Variants in ARPC5L observed in about 807,000 individuals in gnomAD.
ARPC5L encodes the protein actin related protein 2/3 complex subunit 5 like.
In ARPC5L, 4 loss-of-function variants were observed where a neutral mutation model predicts 16.9. The observed-to-expected ratio is 0.24, with a 90% CI of 0.12 to 0.54. The LOEUF (loss-of-function observed/expected upper bound fraction) is 0.54. Ranked by LOEUF, ARPC5L falls within the 20% of genes least tolerant of loss-of-function variation. The pLI is 0.95. For missense variants in ARPC5L, 151 were observed against 201.9 expected (o/e 0.75, Z 1.53); for synonymous variants, 78 against 82.6 (o/e 0.94, Z 0.30).
Position 124,876,967 on chromosome 9 carries a change from T to G in ARPC5L, c.*27T>G, listed in dbSNP as rs200439155. 1,179 of 1,585,584 alleles carry G rather than the reference T, an allele frequency of 7.4e-4. 1 individual carries two copies. The highest frequency in any genetic ancestry group is 9.7e-4 in the Non-Finnish European group (1,122 of 1,162,488). ...AAAAATAAAAAGACTCATGTTACCTTGAGAAGAATTCTGGATGCCCAGGCT... is the reference window on the plus strand; with the variant it reads ...AAAAATAAAAAGACTCATGTTACCTGGAGAAGAATTCTGGATGCCCAGGCT... On this transcript the variant is annotated 3_prime_UTR_variant, in exon 6 of 6. Transcript: ENST00000353214.
intron 5 of ARPC5L, among the ~76,000 whole-genome samples, chr9:124,876,210 G>A (rs185554567): frequency 6.6e-6 from 1 of 152,272 alleles, no homozygotes; most frequent in East Asian, 1.9e-4. Flanking sequence ...ACTAGGCTGG[G>A]TGCGGTGGGC....
chr9:124,863,637 A>C (rs1829234033), intron 1 of ARPC5L, among the ~76,000 whole-genome samples: 4 of 152,236 alleles, frequency 2.6e-5, no homozygotes, highest in Non-Finnish European at 5.9e-5. Flanking sequence ...GACGCATAAC[A>C]ATGGCTCAAA....
At chr9:124,870,809 G>C (rs1829345951) in intron 3 of ARPC5L, among the ~76,000 whole-genome samples, 1 of 152,200 alleles carries the variant, frequency 6.6e-6, no homozygotes, top group African/African-American at 2.4e-5. Flanking sequence ...GTCAGCTGCT[G>C]CCTTGGTCTG....
rs1343805013 is a variant in ARPC5L, at chr9:124,869,282, G to C, written c.-9G>C. 1.3e-6 allele frequency: 2 copies of C among 1,516,652 alleles called. No individual in the cohort carries two copies. The highest frequency in any genetic ancestry group is 8.8e-7 in the Non-Finnish European group (1 of 1,133,034). 93.9% of individuals were successfully genotyped at this position (1,516,652 alleles called of 1,614,324 possible). ...GCGGAGCCGGCTGAGCGGGCGCCGAGCTCCCGCCATGGCCCGGAACACGCT... is the reference window on the plus strand; with the variant it reads ...GCGGAGCCGGCTGAGCGGGCGCCGACCTCCCGCCATGGCCCGGAACACGCT... On this transcript the variant is annotated 5_prime_UTR_variant, in exon 3 of 6. Coordinates refer to ENST00000353214, the MANE Select transcript of ARPC5L (RefSeq NM_030978.3).
At chr9:124,868,201 G>A (rs753141112) in intron 2 of ARPC5L, among the ~76,000 whole-genome samples, 78 of 152,104 alleles carry the variant, frequency 5.1e-4, no homozygotes, top group Non-Finnish European at 2.1e-4. Flanking sequence ...ACAGTTCAAT[G>A]AGAGGTATTC....
intron 5 of ARPC5L, 131 bp from the exon 6 acceptor site, chr9:124,876,747 T>C (rs1829445107): frequency 2.8e-6 from 2 of 721,846 alleles, no homozygotes; most frequent in South Asian, 1.9e-5. Context: ...ATGTGCTCTA[T>C]CTCAGGAATC....
At chr9:124,864,609 A>C (rs1829245741) in intron 2 of ARPC5L, among the ~76,000 whole-genome samples, 1 of 152,124 alleles carries the variant, frequency 6.6e-6, no homozygotes, top group African/African-American at 2.4e-5. Flanking sequence ...TGAACTCTTA[A>C]CCTTGTGATC....
At chr9:124,871,700 G>T (rs1054025432) in intron 3 of ARPC5L, among the ~76,000 whole-genome samples, 4 of 152,178 alleles carry the variant, frequency 2.6e-5, no homozygotes, top group Non-Finnish European at 5.9e-5. Context: ...CAGTGAAGCA[G>T]CTTCTATACT....
rs750179766 is a variant in ARPC5L at position 124,876,913 on chromosome 9, A to G, written c.435A>G (p.Arg145=). 8.7e-6 allele frequency: 14 copies of G among 1,613,306 alleles called. No homozygotes were observed. In the South Asian group the frequency reaches 1.5e-4, roughly 18 times the overall value. ...LAVGGLGSII[R]VLTARKTV ...TAGGAGGACTAGGCTCCATTATAAG[A>G]GTTCTTACAGCAAGAAAGACTGTTT... Residue 145 remains arginine (R), a synonymous_variant, in exon 6 of 6, where the codon AGA becomes AGG. Transcript: ENST00000353214.
Position 124,877,070 on chromosome 9 carries a change from A to G in ARPC5L, c.*130A>G. ...TATTTCAGGACATGTATCTGCTGAA[A>G]TGTATTTTATTTTCAAGGTGGAGGG... On this transcript the variant is annotated 3_prime_UTR_variant, in exon 6 of 6. Transcript: ENST00000353214. The G allele has an allele frequency of 1.4e-6, 1 of 704,406 alleles. No individual in the cohort carries two copies. The highest frequency in any genetic ancestry group is 2.3e-6 in the Non-Finnish European group (1 of 433,366). 43.6% of individuals were successfully genotyped at this position (704,406 alleles called of 1,614,324 possible). A position where few individuals can be genotyped will look rare whatever the true frequency, so the allele number is the denominator to read the frequency against.
intron 2 of ARPC5L, among the ~76,000 whole-genome samples, chr9:124,865,315 TAAAAAAAA>T (rs11414499): frequency 9.3e-6 from 1 of 107,062 alleles, no homozygotes; most frequent in African/African-American, 3.7e-5. Flanking sequence ...AAACTCTGTC[TAAAAAAAA>T]AAAAAAAAAA....
chr9:124,868,913 G>A lies in ARPC5L; in HGVS notation c.-378G>A, dbSNP rs1829309039. 2 of 180,916 alleles carry A rather than the reference G, an allele frequency of 1.1e-5. No individual in the cohort carries two copies. Among genetic ancestry groups the A allele is most frequent in the Admixed American group, 1.2e-4 (2 of 16,082 alleles). 11.2% of individuals were successfully genotyped at this position (180,916 alleles called of 1,614,324 possible). Reference sequence around the variant, plus strand: ...CGCGCCCGGCCCCGCTGAGGCCAGGGGCTCCTCGGAGGCGCGGGAAAGCCG... The same window carrying A: ...CGCGCCCGGCCCCGCTGAGGCCAGGAGCTCCTCGGAGGCGCGGGAAAGCCG... On this transcript the variant is annotated 5_prime_UTR_variant, in exon 3 of 6. Coordinates refer to ENST00000353214, the MANE Select transcript of ARPC5L (RefSeq NM_030978.3).
intron 2 of ARPC5L, among the ~76,000 whole-genome samples, chr9:124,865,771 C>T (rs922098119): frequency 9.2e-5 from 14 of 151,388 alleles, no homozygotes; most frequent in African/African-American, 2.2e-4. Context: ...CAAGCCTGGG[C>T]GAAAGAGCAA....
intron 1 of ARPC5L, among the ~76,000 whole-genome samples, chr9:124,862,831 CT>C (rs1317057988): frequency 6.6e-6 from 1 of 151,212 alleles, no homozygotes; most frequent in African/African-American, 2.4e-5. Context: ...TGGCCCCAGC[CT>C]TTATTTATTT....
chr9:124,869,434 G>C lies in ARPC5L; in HGVS notation c.144G>C (p.Leu48=), dbSNP rs910291712. 15 of 1,481,182 alleles carry C rather than the reference G, an allele frequency of 1.0e-5. No individual in the cohort carries two copies. The highest frequency in any genetic ancestry group is 2.4e-5 in the Admixed American group (1 of 42,176). 91.8% of individuals were successfully genotyped at this position (1,481,182 alleles called of 1,614,324 possible). A position where few individuals can be genotyped will look rare whatever the true frequency, so the allele number is the denominator to read the frequency against. Residue 48 remains leucine, a synonymous_variant, in exon 3 of 6, where the codon CTG becomes CTC. Transcript: ENST00000353214. ...GPDPSEVDGL[L]RQGDMLRAFH... is the part of the protein sequence containing the mutation. ...ACCCGAGCGAGGTGGACGGGCTCCT[G>C]CGGCAATATCCTTCCCTGACGCGGC...
rs114856079 is a variant in ARPC5L, at chr9:124,874,894, C to T, written c.223-81C>T. The stretch of plus-strand genomic sequence containing the variant: ...GAAACTGGGCAGTGTTTCTGGTGAT[C>T]TGTGTCCTTGCTTTGGTGTGGGGCA... On this transcript the variant is annotated intron_variant, in intron 4 of 5. Transcript: ENST00000353214. 1.7e-4 allele frequency: 269 copies of T among 1,551,406 alleles called. 1 individual carries two copies. In the African/African-American group the frequency reaches 3.2e-3, roughly 19 times the overall value.
Position 124,875,130 on chromosome 9 carries a change from G to A in ARPC5L, c.378G>A (p.Val126=). The change falls in exon 5 of 6, where the codon GTG becomes GTA. Residue 126 remains valine (V), a synonymous_variant. Coordinates refer to ENST00000353214, the MANE Select transcript of ARPC5L (RefSeq NM_030978.3). The part of the protein sequence containing the change: ...FEKPTENSSA[V]LLQWHEKALA... Reference sequence around the variant, plus strand: ...AGCCCACAGAAAATAGCAGCGCAGTGTTACTCCAGTGGCACGAAAAGGTAT... The same window carrying A: ...AGCCCACAGAAAATAGCAGCGCAGTATTACTCCAGTGGCACGAAAAGGTAT... 6.2e-7 allele frequency: 1 copy of A among 1,614,042 alleles called. No individual in the cohort carries two copies. Among genetic ancestry groups the A allele is most frequent in the Non-Finnish European group, 8.5e-7 (1 of 1,179,914 alleles).
chr9:124,874,867 T>C lies in ARPC5L; in HGVS notation c.223-108T>C, dbSNP rs150656060. 90 of 1,355,668 alleles carry C rather than the reference T, an allele frequency of 6.6e-5. No individual in the cohort carries two copies. In the African/African-American group the frequency reaches 1.1e-3, roughly 17 times the overall value. 84.0% of individuals were successfully genotyped at this position (1,355,668 alleles called of 1,614,324 possible). On this transcript the variant is annotated intron_variant, in intron 4 of 5. Coordinates refer to ENST00000353214, the MANE Select transcript of ARPC5L (RefSeq NM_030978.3). ...CTTATTTTAACCATCCTGGACGAAT[T>C]AGAAACTGGGCAGTGTTTCTGGTGA...
intron 5 of ARPC5L, among the ~76,000 whole-genome samples, chr9:124,875,930 C>A (rs1195497576): frequency 1.3e-5 from 2 of 152,174 alleles, no homozygotes; most frequent in African/African-American, 4.8e-5. Context: ...GGCCTTAGGT[C>A]TGCTGGCGGG....
Sources: allele counts gnomAD v4.1 joint callset (sites outside exome capture counted in the v4.1 genomes callset), GRCh38; gene constraint gnomAD v4.1.1; transcripts MANE v1.5; gene names NCBI Gene and HGNC (gene_info 2026-07-23, HGNC 2026-07-21).